The following ADAMTSL1 variants were observed in gnomAD, a reference collection of about 807,000 sequenced individuals.
ADAMTSL1 encodes the protein ADAMTS-like protein 1.
A neutral mutation model predicts 201.8 loss-of-function variants in ADAMTSL1; 126 were observed. That is an observed-to-expected ratio of 0.62 (90% CI 0.54 to 0.72). The LOEUF (loss-of-function observed/expected upper bound fraction) is 0.72, where lower values mean the gene tolerates loss of function less well. ADAMTSL1 is among the 30% of genes least tolerant of loss of function. The pLI is 0.00. For missense variants in ADAMTSL1, 2,679 were observed against 2,277.8 expected (o/e 1.18, Z -3.59); for synonymous variants, 1,121 against 903.4 (o/e 1.24, Z -4.32).
At chr9:18,288,116 T>A (rs780117355) in intron 2 of ADAMTSL1, among the ~76,000 whole-genome samples, 1 of 152,064 alleles carries the variant, frequency 6.6e-6, no homozygotes, top group Non-Finnish European at 1.5e-5. Flanking sequence ...ATGGGGCACA[T>A]GATTGGGAAA....
intron 2 of ADAMTSL1, among the ~76,000 whole-genome samples, chr9:18,261,056 T>C (rs1292557427): frequency 8.2e-6 from 1 of 121,476 alleles, no homozygotes; most frequent in Non-Finnish European, 1.7e-5. Flanking sequence ...AGAATGTGTT[T>C]CCTATTAAAT....
chr9:18,880,148 C>T (rs1383995143), intron 23 of ADAMTSL1, among the ~76,000 whole-genome samples: 3 of 152,180 alleles, frequency 2.0e-5, no homozygotes, highest in African/African-American at 4.8e-5. Flanking sequence ...GCAGTGACTT[C>T]CTCAACACTG....
intron 2 of ADAMTSL1, among the ~76,000 whole-genome samples, chr9:18,387,860 G>A (rs1180102931): frequency 5.9e-5 from 9 of 151,926 alleles, no homozygotes; most frequent in Non-Finnish European, 2.9e-5. Context: ...TCTATCTATC[G>A]AATGACATGT....
intron 1 of ADAMTSL1, among the ~76,000 whole-genome samples, chr9:18,107,999 C>T (rs1425855743): frequency 6.6e-6 from 1 of 152,024 alleles, no homozygotes; most frequent in Non-Finnish European, 1.5e-5. Context: ...GTTTCTAAAA[C>T]ATATAGGAAG....
intron 7 of ADAMTSL1, among the ~76,000 whole-genome samples, chr9:18,644,025 C>A (rs959028640): frequency 6.6e-6 from 1 of 151,722 alleles, no homozygotes; most frequent in African/African-American, 2.4e-5. Flanking sequence ...TGATATCTTT[C>A]CATTAATTTG....
chr9:18,476,427 C>A (rs574296746), intron 1 of ADAMTSL1, among the ~76,000 whole-genome samples: 6 of 151,938 alleles, frequency 3.9e-5, no homozygotes, highest in Non-Finnish European at 7.4e-5. Context: ...TGGTCTGTAC[C>A]CTTTGTTGCA....
intron 1 of ADAMTSL1, among the ~76,000 whole-genome samples, chr9:17,955,394 T>G (rs531761889): frequency 6.6e-6 from 1 of 152,180 alleles, no homozygotes; most frequent in Non-Finnish European, 1.5e-5. Context: ...AATTTAGGAT[T>G]ATAGTTCTAA....
At chr9:18,337,691 C>T (rs1196413948) in intron 2 of ADAMTSL1, among the ~76,000 whole-genome samples, 1 of 152,154 alleles carries the variant, frequency 6.6e-6, no homozygotes, top group Non-Finnish European at 1.5e-5. Flanking sequence ...TTAAACTCTT[C>T]ACCTCATAGG....
intron 2 of ADAMTSL1, among the ~76,000 whole-genome samples, chr9:18,169,774 A>G (rs1827807703): frequency 1.3e-5 from 2 of 152,056 alleles, no homozygotes; most frequent in Non-Finnish European, 2.9e-5. Context: ...ATGTTCTTCC[A>G]TTTGTTTGTA....
Position 18,504,874 on chromosome 9 carries a change from G to C in ADAMTSL1, c.109G>C (p.Asp37His). Residue 37 changes from aspartate to histidine, a missense_variant, in exon 2 of 29, where the codon GAT becomes CAT. Transcript: ENST00000380548. ...CGAGGAGGACCGGGACGGCCTATGG[G>C]ATGCCTGGGGCCCATGGAGTGAATG... ...RSEEDRDGLW[D>H]AWGPWSECSR... is the part of the protein sequence containing the mutation. The C allele has an allele frequency of 6.2e-7, 1 of 1,613,912 alleles. No homozygotes were observed. The highest frequency in any genetic ancestry group is 8.5e-7 in the Non-Finnish European group (1 of 1,179,980).
intron 2 of ADAMTSL1, among the ~76,000 whole-genome samples, chr9:18,252,483 T>G (rs894013514): frequency 5.9e-5 from 9 of 152,222 alleles, no homozygotes; most frequent in Middle Eastern, 6.8e-3. Flanking sequence ...TCTACACATA[T>G]CCCCCTGTAT....
chr9:18,775,629 G>T (rs1820929369), intron 17 of ADAMTSL1, 114 bp from the exon 18 acceptor site: 3 of 1,319,866 alleles, frequency 2.3e-6, no homozygotes, highest in Non-Finnish European at 3.2e-6. Context: ...CTATCACAGT[G>T]GTTATTGCTT....
At chr9:18,463,507 C>T (rs992691222) in intron 2 of ADAMTSL1, among the ~76,000 whole-genome samples, 2 of 152,100 alleles carry the variant, frequency 1.3e-5, no homozygotes, top group African/African-American at 4.8e-5. Flanking sequence ...AAATCTTCCC[C>T]TGCTAAAACC....
intron 1 of ADAMTSL1, among the ~76,000 whole-genome samples, chr9:17,976,629 T>G (rs1221560899): frequency 6.6e-6 from 1 of 151,848 alleles, no homozygotes; most frequent in African/African-American, 2.4e-5. Context: ...CCTAACAGCT[T>G]TTTGGTGAAG....
intron 1 of ADAMTSL1, among the ~76,000 whole-genome samples, chr9:18,073,239 A>G (rs1411957732): frequency 5.9e-5 from 9 of 152,102 alleles, no homozygotes; most frequent in Non-Finnish European, 2.9e-5. Flanking sequence ...ACATACTGCA[A>G]TTCATCACTT....
chr9:18,339,423 A>C (rs958464761), intron 2 of ADAMTSL1, among the ~76,000 whole-genome samples: 1 of 152,190 alleles, frequency 6.6e-6, no homozygotes, highest in Non-Finnish European at 1.5e-5. Context: ...CACACTAATC[A>C]GAATGGCTAC....
rs71304880 is a variant in ADAMTSL1 at position 18,577,986 on chromosome 9, CTT to C, written c.474+3735_474+3736del. 2.6e-3 allele frequency among the ~76,000 whole-genome samples: 374 copies of C among 142,360 alleles called. 2 individuals are homozygous for C. Among genetic ancestry groups the C allele is most frequent in the African/African-American group, 7.8e-3 (301 of 38,746 alleles). The allele number at this position is 142,360 out of a possible 152,430, so 93.4% of individuals were successfully genotyped here. A position where few individuals can be genotyped will look rare whatever the true frequency, so the allele number is the denominator to read the frequency against. On this transcript the variant is annotated intron_variant, in intron 4 of 28. Coordinates refer to ENST00000380548, the MANE Select transcript of ADAMTSL1 (RefSeq NM_001040272.6). ...GAAAGTTACTGCCCTTTACTTTTCTCTTTTTTTTTTTTTTTTCCAGAGCACAG... is the reference window on the plus strand; with the variant it reads ...GAAAGTTACTGCCCTTTACTTTTCTCTTTTTTTTTTTTTTCCAGAGCACAG...
intron 20 of ADAMTSL1, among the ~76,000 whole-genome samples, chr9:18,802,507 A>G (rs1822865420): frequency 6.6e-6 from 1 of 152,172 alleles, no homozygotes; most frequent in South Asian, 2.1e-4. Context: ...CACTTAGCAT[A>G]AAGTTTTCAA....
chr9:18,316,372 A>T (rs1834394715), intron 2 of ADAMTSL1, among the ~76,000 whole-genome samples: 1 of 152,044 alleles, frequency 6.6e-6, no homozygotes, highest in Non-Finnish European at 1.5e-5. Context: ...GCTATGGGAG[A>T]CTGGGGTCCA....
Sources: allele counts gnomAD v4.1 joint callset (sites outside exome capture counted in the v4.1 genomes callset), GRCh38; gene constraint gnomAD v4.1.1; transcripts MANE v1.5; gene names NCBI Gene and HGNC (gene_info 2026-07-23, HGNC 2026-07-21).